DPP6: variants seen among roughly 807,000 people sequenced by gnomAD.
The protein encoded by DPP6 is dipeptidyl peptidase like 6, also known as A-type potassium channel modulatory protein DPP6.
In DPP6, 69 loss-of-function variants were observed where a neutral mutation model predicts 122.6. The ratio of observed to expected loss-of-function variants is 0.56; its 90% CI spans 0.46 to 0.69. The LOEUF is 0.69. DPP6 is among the 30% of genes least tolerant of loss of function. DPP6 has a pLI of 0.00. For synonymous variants in DPP6, 418 were observed against 433.1 expected, an observed-to-expected ratio of 0.97 and a Z score of 0.43; for missense variants, 928 against 1,116.9, an observed-to-expected ratio of 0.83 and a Z score of 2.41.
chr7:154,864,639 C>T (rs1025689298), intron 17 of DPP6, among the ~76,000 whole-genome samples: 1 of 152,236 alleles, frequency 6.6e-6, no homozygotes, highest in Non-Finnish European at 1.5e-5. Flanking sequence ...TAACTCAAGT[C>T]CCCTGTGGGA....
intron 5 of DPP6, among the ~76,000 whole-genome samples, chr7:154,621,299 A>G (rs923374179): frequency 6.6e-6 from 1 of 152,182 alleles, no homozygotes; most frequent in Admixed American, 6.5e-5. Flanking sequence ...ATATAACCCT[A>G]TGTGTAATTA....
In DPP6 at chr7:154,481,543, C is replaced by A. The variant is rs2151369386; in HGVS notation, c.457+6506C>A. Among the ~76,000 whole-genome samples, 1 of 151,524 alleles carries A rather than the reference C, an allele frequency of 6.6e-6. No individual in the cohort carries two copies. The highest frequency in any genetic ancestry group is 2.1e-4 in the South Asian group (1 of 4,730). ...GCCCTGGCCCCCCGACCCTCCATGT[C>A]TCAGACTCTACATGATCTGTTTACT... On this transcript the variant is annotated intron_variant, in intron 3 of 25. Transcript: ENST00000377770. The surrounding 1 kb of genome is among the most constrained non-coding windows in gnomAD (Gnocchi z 4.2).
chr7:154,298,659 G>A (rs896965508), intron 1 of DPP6, among the ~76,000 whole-genome samples: 8 of 152,184 alleles, frequency 5.3e-5, no homozygotes, highest in Admixed American at 5.2e-4. Flanking sequence ...AGCATGGGGT[G>A]AAGGTGATGA....
intron 1 of DPP6, among the ~76,000 whole-genome samples, chr7:154,236,777 T>C (rs2150863689): frequency 6.6e-6 from 1 of 152,274 alleles, no homozygotes; most frequent in African/African-American, 2.4e-5. Context: ...ACATCCCTAA[T>C]AACTTTGCTT....
At chr7:153,913,078 A>G (rs1361742403) in intron 1 of DPP6, among the ~76,000 whole-genome samples, 1 of 152,090 alleles carries the variant, frequency 6.6e-6, no homozygotes, top group Non-Finnish European at 1.5e-5. Context: ...GTTGTGATAC[A>G]TTTTATTTAG....
At position 154,773,532 on chromosome 7, in the gene DPP6, A is replaced by T. The variant is rs528030043; in HGVS notation, c.1136+590A>T. ...TTTAGTATTTTCCCCAAATTCAAGC[A>T]GCGTGGGGAATGATTATACTTCCAG... On this transcript the variant is annotated intron_variant, in intron 10 of 25. Transcript: ENST00000377770. 2.6e-5 allele frequency among the ~76,000 whole-genome samples: 4 copies of T among 152,302 alleles called. No individual in the cohort carries two copies. In the South Asian group the frequency reaches 8.3e-4, roughly 32 times the overall value.
Position 154,803,795 on chromosome 7 carries a change from G to A in DPP6, c.1408-69G>A, listed in dbSNP as rs879025798. 2.8e-5 allele frequency: 44 copies of A among 1,552,238 alleles called. No individual in the cohort carries two copies. The South Asian group carries it at 5.2e-4, about 18-fold the overall frequency. The stretch of plus-strand genomic sequence containing the variant: ...TGTCACCTGGTGTCCAAAACAGTTG[G>A]AGGATGAAGAGCCATGCTGGGGCCG... On this transcript the variant is annotated intron_variant, in intron 13 of 25. Coordinates refer to ENST00000377770, the MANE Select transcript of DPP6 (RefSeq NM_130797.4).
At chr7:154,829,600 G>A (rs978880616) in intron 16 of DPP6, among the ~76,000 whole-genome samples, 3 of 152,098 alleles carry the variant, frequency 2.0e-5, no homozygotes, top group Non-Finnish European at 2.9e-5. Flanking sequence ...AGCAAATTGG[G>A]AGTCAGTGCA....
chr7:154,630,281 C>T (rs569501005), intron 5 of DPP6, among the ~76,000 whole-genome samples: 1 of 152,164 alleles, frequency 6.6e-6, no homozygotes, highest in African/African-American at 2.4e-5. Context: ...GGGAGGGGAG[C>T]ACAGGCAGGC....
intron 1 of DPP6, among the ~76,000 whole-genome samples, chr7:154,142,139 A>G (rs1470871024): frequency 6.6e-6 from 1 of 152,052 alleles, no homozygotes; most frequent in Non-Finnish European, 1.5e-5. Flanking sequence ...AGATACATTG[A>G]TAATGACCTT....
the DPP6 span, among the ~76,000 whole-genome samples, chr7:153,764,930 C>T: frequency 6.6e-6 from 1 of 152,208 alleles, no homozygotes; most frequent in Non-Finnish European, 1.5e-5. Context: ...TTGAAAGACT[C>T]TCTGTTCTCC....
chr7:154,130,823 A>G (rs145616962), intron 1 of DPP6, among the ~76,000 whole-genome samples: 6 of 151,572 alleles, frequency 4.0e-5, no homozygotes, highest in Non-Finnish European at 8.8e-5. Flanking sequence ...CTCCACAATA[A>G]AAAAAAATAA....
At chr7:154,683,901 C>G (rs1586883750) in intron 7 of DPP6, among the ~76,000 whole-genome samples, 1 of 152,206 alleles carries the variant, frequency 6.6e-6, no homozygotes, top group African/African-American at 2.4e-5. Flanking sequence ...CCATGTCTAG[C>G]TCTATCACCC....
intron 1 of DPP6, among the ~76,000 whole-genome samples, chr7:154,389,382 G>T (rs1219140382): frequency 1.3e-5 from 2 of 152,054 alleles, no homozygotes; most frequent in Non-Finnish European, 2.9e-5. Flanking sequence ...CAGTAAATTA[G>T]AAATTAATAA....
chr7:154,305,581 T>C, intron 1 of DPP6: 1 of 1,580,454 alleles, frequency 6.3e-7, no homozygotes, highest in Non-Finnish European at 8.6e-7. Context: ...TCCGTGTGTG[T>C]GTGTGTGCGT....
At position 154,833,099 on chromosome 7, in the gene DPP6, G is replaced by C. The variant is rs548714106; in HGVS notation, c.1667-20681G>C. Among the ~76,000 whole-genome samples the C allele has an allele frequency of 2.0e-5, 3 of 152,310 alleles. No individual in the cohort carries two copies. The South Asian group carries it at 6.2e-4, about 32-fold the overall frequency. On this transcript the variant is annotated intron_variant, in intron 16 of 25. Transcript: ENST00000377770. This position sits in a 1 kb window ranked among gnomAD's most constrained non-coding sequence, Gnocchi z 4.3. The stretch of plus-strand genomic sequence containing the variant: ...GAAACCAGTCAAGGGACCCAAGCTT[G>C]GGGAAGGGACTAGCACGTGCTGAGA...
chr7:153,992,330 A>G (rs1235318201), intron 1 of DPP6, among the ~76,000 whole-genome samples: 1 of 152,078 alleles, frequency 6.6e-6, no homozygotes, highest in Non-Finnish European at 1.5e-5. Flanking sequence ...CCTTACACAC[A>G]CTAGTTCCTA....
chr7:154,469,670 A>G (rs1481475935), intron 2 of DPP6, among the ~76,000 whole-genome samples: 1 of 152,246 alleles, frequency 6.6e-6, no homozygotes, highest in East Asian at 1.9e-4. Flanking sequence ...TTCTTTCATT[A>G]TGATAAGAAT....
intron 5 of DPP6, among the ~76,000 whole-genome samples, chr7:154,613,067 A>C (rs1834010011): frequency 6.6e-6 from 1 of 152,126 alleles, no homozygotes. Flanking sequence ...CTCTCTCGTT[A>C]CTATAATGAG....
Sources: gnomAD v4.1 joint callset for allele counts (sites outside exome capture counted in the v4.1 genomes callset) on GRCh38, gnomAD v4.1.1 for gene constraint, Gnocchi (gnomAD v3.1) non-coding constraint, MANE v1.5 for transcripts, NCBI Gene and HGNC (gene_info 2026-07-23, HGNC 2026-07-21) for gene names.